The following CDK19 variants were observed in gnomAD, a reference collection of about 807,000 sequenced individuals.
CDK19 encodes the protein cyclin dependent kinase 19.
Under a neutral mutation model 68.3 loss-of-function variants are expected in CDK19, and 20 were observed. The ratio of observed to expected loss-of-function variants is 0.29; its 90% CI spans 0.21 to 0.43. The LOEUF (loss-of-function observed/expected upper bound fraction) is 0.43. Among genes scored for constraint, CDK19 ranks in the 20% least tolerant of loss-of-function variants. CDK19 has a pLI of 1.00. For missense variants in CDK19, 339 were observed against 623.5 expected (o/e 0.54, Z 4.86); for synonymous variants, 221 against 222.8 (o/e 0.99, Z 0.07).
At chr6:110,667,689 T>C in intron 3 of CDK19, 115 bp from the exon 4 acceptor site, 1 of 499,912 alleles carries the variant, frequency 2.0e-6, no homozygotes, top group Non-Finnish European at 3.3e-6. Context: ...TAAAGGCCAA[T>C]AATGACACAA....
At chr6:110,718,341 T>C (rs182825097) in intron 2 of CDK19, among the ~76,000 whole-genome samples, 2 of 152,214 alleles carry the variant, frequency 1.3e-5, no homozygotes, top group Admixed American at 1.3e-4. Flanking sequence ...GTGTATATAT[T>C]CGAGGTGTGG....
In CDK19 at chr6:110,621,630, C is replaced by T. The variant is rs974105679; in HGVS notation, c.1111-260G>A. On this transcript the variant is annotated intron_variant, in intron 11 of 12. Coordinates refer to ENST00000368911, the MANE Select transcript of CDK19 (RefSeq NM_015076.5). This position sits in a 1 kb window ranked among gnomAD's most constrained non-coding sequence, Gnocchi z 5.4. ...GATCCTCCAAATCAGTCACAGACAT[C>T]TCACTGAAGGCCACAGGCACATTAG... Among the ~76,000 whole-genome samples, 1 of 152,188 alleles carries T rather than the reference C, an allele frequency of 6.6e-6. No homozygotes were observed. Among genetic ancestry groups the T allele is most frequent in the Non-Finnish European group, 1.5e-5 (1 of 68,044 alleles).
intron 2 of CDK19, among the ~76,000 whole-genome samples, chr6:110,727,997 A>AG (rs1204692043): frequency 1.3e-5 from 2 of 150,760 alleles, no homozygotes; most frequent in Non-Finnish European, 3.0e-5. Context: ...CAAAAAAAAA[A>AG]AAAATGAGAA....
intron 1 of CDK19, among the ~76,000 whole-genome samples, chr6:110,790,203 G>A (rs758303247): frequency 1.3e-5 from 2 of 152,192 alleles, no homozygotes; most frequent in African/African-American, 2.4e-5. Context: ...ACTGCTACCC[G>A]TAAGTACATC....
intron 2 of CDK19, among the ~76,000 whole-genome samples, chr6:110,717,670 T>C (rs533620065): frequency 6.6e-6 from 1 of 152,324 alleles, no homozygotes; most frequent in Admixed American, 6.5e-5. Flanking sequence ...GAGGGTGGCA[T>C]CCTCATGAAT....
chr6:110,776,674 C>G (rs1780422940), intron 1 of CDK19, among the ~76,000 whole-genome samples: 1 of 152,174 alleles, frequency 6.6e-6, no homozygotes, highest in Admixed American at 6.5e-5. Flanking sequence ...AAACAGCCTT[C>G]TAGACTGCAC....
chr6:110,666,681 C>G (rs887207889), intron 4 of CDK19, among the ~76,000 whole-genome samples: 3 of 152,046 alleles, frequency 2.0e-5, no homozygotes, highest in African/African-American at 4.8e-5. Flanking sequence ...CCCCAGAATT[C>G]TCAAAAGCCT....
intron 1 of CDK19, among the ~76,000 whole-genome samples, chr6:110,766,173 A>C (rs765684542): frequency 1.3e-5 from 2 of 152,242 alleles, no homozygotes; most frequent in African/African-American, 2.4e-5. Context: ...CACTATTCAC[A>C]ATACTGAAGA....
intron 2 of CDK19, among the ~76,000 whole-genome samples, chr6:110,744,250 AC>A (rs35365072): frequency 6.6e-6 from 1 of 151,410 alleles, no homozygotes; most frequent in African/African-American, 2.4e-5. Context: ...CAGGTGATCC[AC>A]CCCCCCAACA....
intron 1 of CDK19, among the ~76,000 whole-genome samples, chr6:110,802,363 A>G (rs1308907894): frequency 6.6e-6 from 1 of 152,246 alleles, no homozygotes; most frequent in Non-Finnish European, 1.5e-5. Context: ...GAATGAAATC[A>G]TGTCCTTTGC....
At chr6:110,811,344 T>A (rs889340584) in intron 1 of CDK19, among the ~76,000 whole-genome samples, 5 of 152,214 alleles carry the variant, frequency 3.3e-5, no homozygotes, top group Non-Finnish European at 7.3e-5. Context: ...TATGTAGTCA[T>A]CAACCACTCA....
rs1350531953 is a variant in CDK19 at position 110,752,744 on chromosome 6, T to A, written c.129-6543A>T. Among the ~76,000 whole-genome samples, 2 of 152,218 alleles carry A rather than the reference T, an allele frequency of 1.3e-5. 1 individual carries two copies. Among genetic ancestry groups the A allele is most frequent in the East Asian group, 3.8e-4 (2 of 5,202 alleles). On this transcript the variant is annotated intron_variant, in intron 1 of 12. Transcript: ENST00000368911. ...ACCTTTATTTACTCCTGTTTTTGTG[T>A]ATGTATGGAGACAGGGTCTCACTAT...
intron 1 of CDK19, among the ~76,000 whole-genome samples, chr6:110,812,214 G>A (rs1287077578): frequency 1.3e-5 from 2 of 151,316 alleles, no homozygotes; most frequent in Non-Finnish European, 2.9e-5. Context: ...TCCACCTCCC[G>A]GGTTCACGCC....
intron 6 of CDK19, 29 bp from the exon 7 acceptor site, chr6:110,627,174 A>G: frequency 6.4e-7 from 1 of 1,555,064 alleles, no homozygotes; most frequent in Non-Finnish European, 8.8e-7. Flanking sequence ...AAGTTTTTGT[A>G]TATATTTCCT....
intron 1 of CDK19, among the ~76,000 whole-genome samples, chr6:110,797,579 A>G (rs1381622091): frequency 2.0e-5 from 3 of 152,252 alleles, no homozygotes. Flanking sequence ...AAAGGAAGAA[A>G]GCAGCAATGA....
chr6:110,725,165 T>C (rs1776231546), intron 2 of CDK19, among the ~76,000 whole-genome samples: 1 of 152,184 alleles, frequency 6.6e-6, no homozygotes, highest in Admixed American at 6.6e-5. Flanking sequence ...TTTCAAAGGA[T>C]ATCTTATGGC....
chr6:110,646,577 G>C lies in CDK19; in HGVS notation c.457-7871C>G, dbSNP rs943335675. ...GTGCTGAGTACGGCCACCTGCAGGG[G>C]GTCAACCGGGCCAACGGCGGAGGGG... On this transcript the variant is annotated intron_variant, in intron 4 of 12. Coordinates refer to ENST00000368911, the MANE Select transcript of CDK19 (RefSeq NM_015076.5). 1.3e-4 allele frequency: 113 copies of C among 879,670 alleles called. No individual in the cohort carries two copies. The African/African-American group carries it at 1.7e-3, about 13-fold the overall frequency. 54.5% of individuals were successfully genotyped at this position (879,670 alleles called of 1,614,324 possible).
intron 2 of CDK19, among the ~76,000 whole-genome samples, chr6:110,700,200 G>T (rs115536308): frequency 0.012 from 1,877 of 152,276 alleles, 33 homozygotes; most frequent in African/African-American, 0.043. Context: ...TCATCTTGTT[G>T]CAGGAAAACA....
chr6:110,727,358 T>C (rs1000124023), intron 2 of CDK19, among the ~76,000 whole-genome samples: 5 of 152,162 alleles, frequency 3.3e-5, no homozygotes, highest in Non-Finnish European at 4.4e-5. Flanking sequence ...TCCTTATCTT[T>C]GAAACTTTGA....
Sources: gnomAD v4.1 joint callset for allele counts (sites outside exome capture counted in the v4.1 genomes callset) on GRCh38, gnomAD v4.1.1 for gene constraint, Gnocchi (gnomAD v3.1) non-coding constraint, MANE v1.5 for transcripts, NCBI Gene and HGNC (gene_info 2026-07-23, HGNC 2026-07-21) for gene names.